The following ELOVL5 variants were observed in gnomAD, a reference collection of about 807,000 sequenced individuals.
The protein encoded by ELOVL5 is ELOVL fatty acid elongase 5, also known as very long chain fatty acid elongase 5.
ELOVL5 carries 8 observed loss-of-function variants against 38.6 expected under a neutral mutation model. The observed-to-expected ratio is 0.21, with a 90% CI of 0.12 to 0.37. The LOEUF is 0.37. Among genes scored for constraint, ELOVL5 ranks in the 10% least tolerant of loss-of-function variants. The pLI, the probability that ELOVL5 is intolerant of heterozygous loss-of-function variation, is 1.00. For missense variants in ELOVL5, 280 were observed against 367.8 expected, an observed-to-expected ratio of 0.76 and a Z score of 1.95; for synonymous variants, 127 against 133.7, an observed-to-expected ratio of 0.95 and a Z score of 0.34.
intron 1 of ELOVL5, among the ~76,000 whole-genome samples, chr6:53,343,350 C>G (rs909071663): frequency 6.6e-6 from 1 of 152,092 alleles, no homozygotes; most frequent in African/African-American, 2.4e-5. Context: ...GGAGCTGGGA[C>G]TACAGGCATG....
At chr6:53,285,737 T>G (rs904030719) in intron 3 of ELOVL5, among the ~76,000 whole-genome samples, 8 of 151,952 alleles carry the variant, frequency 5.3e-5, no homozygotes, top group African/African-American at 1.5e-4. Flanking sequence ...GCCTCCCAAG[T>G]AGCTAGGACA....
At chr6:53,300,477 A>T (rs1767206796) in intron 1 of ELOVL5, among the ~76,000 whole-genome samples, 1 of 151,040 alleles carries the variant, frequency 6.6e-6, no homozygotes, top group Admixed American at 6.6e-5. Context: ...CAAAAAAAAT[A>T]AAGCAGAATA....
At chr6:53,291,754 A>G (rs780780898) in intron 3 of ELOVL5, 22 bp downstream of exon 3, 1 of 1,569,760 alleles carries the variant, frequency 6.4e-7, no homozygotes, top group Non-Finnish European at 8.7e-7. Flanking sequence ...TGAAAGGAAG[A>G]CTGTGTTAAC....
At chr6:53,307,793 G>A (rs1171732723) in intron 1 of ELOVL5, among the ~76,000 whole-genome samples, 3 of 152,320 alleles carry the variant, frequency 2.0e-5, no homozygotes, top group Non-Finnish European at 4.4e-5. Flanking sequence ...GTACAGAGCA[G>A]AAATAAATCT....
chr6:53,288,070 G>GT (rs1766640630), intron 3 of ELOVL5: 5 of 790,090 alleles, frequency 6.3e-6, no homozygotes, highest in Admixed American at 2.1e-5. Flanking sequence ...GAAACCACCT[G>GT]TAACACTCTA....
chr6:53,283,912 G>A (rs1265434086), intron 3 of ELOVL5, among the ~76,000 whole-genome samples: 2 of 150,786 alleles, frequency 1.3e-5, no homozygotes, highest in African/African-American at 2.4e-5. Flanking sequence ...AACTACTTAC[G>A]AAAAAAATTG....
In ELOVL5 at chr6:53,276,580, G is replaced by A. The variant is rs1382389090; in HGVS notation, c.247-324C>T. Among the ~76,000 whole-genome samples the A allele has an allele frequency of 4.6e-5, 7 of 152,140 alleles. No individual in the cohort carries two copies. The East Asian group carries it at 9.7e-4, about 21-fold the overall frequency. On this transcript the variant is annotated intron_variant, in intron 3 of 7. Coordinates refer to ENST00000304434, the MANE Select transcript of ELOVL5 (RefSeq NM_021814.5). ...AGTGCCCAGACCAAGCCAATCACAG[G>A]CTCCCTGCTCTGCCCCACAGAAGCC...
intron 1 of ELOVL5, among the ~76,000 whole-genome samples, chr6:53,320,943 G>A (rs1176984556): frequency 6.6e-6 from 1 of 152,110 alleles, no homozygotes; most frequent in Non-Finnish European, 1.5e-5. Flanking sequence ...CTTGCAGTAA[G>A]GTGGCCAGAA....
At chr6:53,290,281 C>T (rs1766725209) in intron 3 of ELOVL5, 1 of 152,208 alleles carries the variant, frequency 6.6e-6, no homozygotes, top group South Asian at 2.1e-4. Flanking sequence ...CTAAAAATCA[C>T]ATGAAATATT....
intron 1 of ELOVL5, among the ~76,000 whole-genome samples, chr6:53,315,166 T>TC (rs1767979694): frequency 6.6e-6 from 1 of 152,206 alleles, no homozygotes; most frequent in Non-Finnish European, 1.5e-5. Context: ...GTAAGGGTCC[T>TC]CTTCCTGGCT....
intron 1 of ELOVL5, among the ~76,000 whole-genome samples, chr6:53,330,773 T>C (rs896004279): frequency 6.6e-6 from 1 of 152,152 alleles, no homozygotes; most frequent in African/African-American, 2.4e-5. Flanking sequence ...AATTATTTTC[T>C]TTATACTCAT....
At chr6:53,330,501 T>C in intron 1 of ELOVL5, among the ~76,000 whole-genome samples, 1 of 150,654 alleles carries the variant, frequency 6.6e-6, no homozygotes, top group East Asian at 1.9e-4. Context: ...TATGGTAACA[T>C]TTTTTTCTTT....
Position 53,295,726 on chromosome 6 carries a change from A to G in ELOVL5, c.-8-19T>C. On this transcript the variant is annotated intron_variant, in intron 1 of 7. Coordinates refer to ENST00000304434, the MANE Select transcript of ELOVL5 (RefSeq NM_021814.5). The stretch of plus-strand genomic sequence containing the variant: ...TGAAAACCTATTAAGAAAAAAAAAG[A>G]TACTGATTAATCTCTACTCAAAATG... 3.5e-6 allele frequency: 5 copies of G among 1,417,278 alleles called. No homozygotes were observed. Among genetic ancestry groups the G allele is most frequent in the Non-Finnish European group, 4.8e-6 (5 of 1,031,656 alleles). 87.8% of individuals were successfully genotyped at this position (1,417,278 alleles called of 1,614,324 possible).
intron 1 of ELOVL5, among the ~76,000 whole-genome samples, chr6:53,341,030 C>A (rs1196774015): frequency 1.3e-5 from 2 of 152,182 alleles, no homozygotes; most frequent in African/African-American, 4.8e-5. Context: ...CTAATCCAGC[C>A]ACACTAGACC....
intron 1 of ELOVL5, among the ~76,000 whole-genome samples, chr6:53,304,605 G>C (rs964844063): frequency 2.8e-4 from 42 of 152,180 alleles, no homozygotes; most frequent in African/African-American, 9.9e-4. Flanking sequence ...CTGGGTACTT[G>C]AGACTGGGGA....
intron 1 of ELOVL5, among the ~76,000 whole-genome samples, chr6:53,342,934 C>T (rs1013816544): frequency 6.6e-6 from 1 of 152,112 alleles, no homozygotes; most frequent in Admixed American, 6.5e-5. Context: ...AGAGACTACA[C>T]AATTCTAAAA....
At chr6:53,326,662 C>T (rs2127589904) in intron 1 of ELOVL5, among the ~76,000 whole-genome samples, 1 of 152,270 alleles carries the variant, frequency 6.6e-6, no homozygotes, top group South Asian at 2.1e-4. Flanking sequence ...AATCATACTC[C>T]AAATACAAAT....
intron 1 of ELOVL5, among the ~76,000 whole-genome samples, chr6:53,334,940 T>C (rs1768980226): frequency 6.6e-6 from 1 of 152,146 alleles, no homozygotes; most frequent in African/African-American, 2.4e-5. Context: ...AACAGTGACA[T>C]AAAGGAAAGA....
chr6:53,342,322 G>A (rs1053416519), intron 1 of ELOVL5, among the ~76,000 whole-genome samples: 2 of 152,174 alleles, frequency 1.3e-5, no homozygotes, highest in Non-Finnish European at 2.9e-5. Flanking sequence ...TTGGTATCAT[G>A]AGAACTATTC....
Sources: allele counts gnomAD v4.1 joint callset (sites outside exome capture counted in the v4.1 genomes callset), GRCh38; gene constraint gnomAD v4.1.1; transcripts MANE v1.5; gene names NCBI Gene and HGNC (gene_info 2026-07-23, HGNC 2026-07-21).